The following PRSS12 variants were observed in gnomAD, a reference collection of about 807,000 sequenced individuals.
PRSS12 encodes the protein neurotrypsin.
In PRSS12, 85 loss-of-function variants were observed where a neutral mutation model predicts 104.4. The observed-to-expected ratio is 0.81, with a 90% CI of 0.68 to 0.98. The LOEUF is 0.98. PRSS12 is among the 50% of genes least tolerant of loss of function. PRSS12 has a pLI of 0.00. For missense variants in PRSS12, 1,141 were observed against 1,139.2 expected (o/e 1.00, Z -0.02); for synonymous variants, 454 against 425.2 (o/e 1.07, Z -0.83).
chr4:118,328,101 A>G (rs1723823973), intron 4 of PRSS12, among the ~76,000 whole-genome samples: 1 of 152,208 alleles, frequency 6.6e-6, no homozygotes, highest in African/African-American at 2.4e-5. Flanking sequence ...TGTGCCATTA[A>G]AAAACAATCC....
At chr4:118,299,818 A>AAAATAAATT (rs1166404034) in intron 8 of PRSS12, among the ~76,000 whole-genome samples, 1 of 139,438 alleles carries the variant, frequency 7.2e-6, no homozygotes, top group African/African-American at 2.6e-5. Flanking sequence ...TAAATAAAAT[A>AAAATAAATT]AAATAAAATA....
At chr4:118,310,279 T>C (rs1225488766) in intron 7 of PRSS12, among the ~76,000 whole-genome samples, 1 of 152,206 alleles carries the variant, frequency 6.6e-6, no homozygotes, top group African/African-American at 2.4e-5. Context: ...AAGAAAACAT[T>C]TGCACATGAA....
chr4:118,299,073 T>C, intron 8 of PRSS12, 135 bp from the exon 9 acceptor site: 1 of 1,018,918 alleles, frequency 9.8e-7, no homozygotes, highest in Middle Eastern at 3.1e-4. Flanking sequence ...AAACCATTTG[T>C]TTCATGACTG....
rs757909956 is a variant in PRSS12, at chr4:118,352,541, C to G, written c.180G>C (p.Pro60=). 9.3e-6 allele frequency: 14 copies of G among 1,504,190 alleles called. No homozygotes were observed. In the Admixed American group the frequency reaches 2.1e-4, roughly 23 times the overall value. 93.2% of individuals were successfully genotyped at this position (1,504,190 alleles called of 1,614,324 possible). Residue 60 remains proline (P), a synonymous_variant, in exon 1 of 13, where the codon CCG becomes CCC. Coordinates refer to ENST00000296498, the MANE Select transcript of PRSS12 (RefSeq NM_003619.4). The stretch of plus-strand genomic sequence containing the variant: ...GGGGGCGCGGGAAGCGCGGGAGAGG[C>G]GGCGGCGGACGCGTCCTCGGGGGCC... ...QQRPPRTRPP[P]PLPRFPRPPR... is the part of the protein sequence containing the mutation.
chr4:118,351,521 T>A (rs1378692186), intron 1 of PRSS12, among the ~76,000 whole-genome samples: 1 of 152,186 alleles, frequency 6.6e-6, no homozygotes, highest in Non-Finnish European at 1.5e-5. Context: ...ATAAAACATA[T>A]AAAGCTAAGT....
At chr4:118,325,302 T>C (rs1420573945) in intron 4 of PRSS12, among the ~76,000 whole-genome samples, 8 of 149,488 alleles carry the variant, frequency 5.4e-5, no homozygotes, top group South Asian at 2.1e-4. Context: ...GGGTCCAATA[T>C]ACCCATGAAA....
At chr4:118,335,947 A>T (rs1444246836) in intron 2 of PRSS12, among the ~76,000 whole-genome samples, 1 of 152,214 alleles carries the variant, frequency 6.6e-6, no homozygotes, top group East Asian at 1.9e-4. Flanking sequence ...AGACATAAAA[A>T]GTAAGGCTGT....
At chr4:118,344,394 T>C (rs922080493) in intron 1 of PRSS12, among the ~76,000 whole-genome samples, 16 of 151,960 alleles carry the variant, frequency 1.1e-4, no homozygotes, top group African/African-American at 3.9e-4. Context: ...TTTTATGTTA[T>C]TTTCTTTCTT....
In PRSS12 at chr4:118,282,117, T is replaced by C. The variant is rs376998875; in HGVS notation, c.2447A>G (p.Lys816Arg). 6.2e-7 allele frequency: 1 copy of C among 1,614,056 alleles called. No homozygotes were observed. Among genetic ancestry groups the C allele is most frequent in the Non-Finnish European group, 8.5e-7 (1 of 1,180,036 alleles). ...MLCAGNLHEH[K>R]RVDSCQGDSG... ...GTCTCCCTGGCAGCTGTCCACGCGT[T>C]TGTGTTCATGGAGGTTTCCAGCACA... The change falls in exon 13 of 13, where the codon AAA (lysine) becomes AGA (arginine). Residue 816 changes from lysine (K) to arginine (R), a missense_variant. Coordinates refer to ENST00000296498, the MANE Select transcript of PRSS12 (RefSeq NM_003619.4).
chr4:118,313,417 ACT>A lies in PRSS12; in HGVS notation c.1293-22_1293-21del, dbSNP rs753852166. 3 of 1,611,822 alleles carry A rather than the reference ACT, an allele frequency of 1.9e-6. No homozygotes were observed. The East Asian group carries it at 6.7e-5, about 36-fold the overall frequency. ...CCATATCTGTGACAATTGAATAAACACTGTGTATAGAACTTCTGTCTCTTGGT... is the reference window on the plus strand; with the variant it reads ...CCATATCTGTGACAATTGAATAAACAGTGTATAGAACTTCTGTCTCTTGGT... On this transcript the variant is annotated intron_variant, in intron 6 of 12. Transcript: ENST00000296498.
intron 6 of PRSS12, among the ~76,000 whole-genome samples, chr4:118,313,695 A>G (rs1481006436): frequency 1.3e-5 from 2 of 152,160 alleles, no homozygotes; most frequent in African/African-American, 2.4e-5. Flanking sequence ...AAAGAGATCA[A>G]TCTCAAATTC....
At chr4:118,338,753 C>T (rs1249342370) in intron 1 of PRSS12, among the ~76,000 whole-genome samples, 2 of 152,084 alleles carry the variant, frequency 1.3e-5, no homozygotes, top group African/African-American at 4.8e-5. Flanking sequence ...ATAAGAAACA[C>T]AGAAACAAAA....
At chr4:118,348,106 G>A (rs1018812294) in intron 1 of PRSS12, among the ~76,000 whole-genome samples, 17 of 152,224 alleles carry the variant, frequency 1.1e-4, no homozygotes, top group Middle Eastern at 3.4e-3. Context: ...TAGCTGGACT[G>A]TAGTCCCAGC....
intron 11 of PRSS12, among the ~76,000 whole-genome samples, chr4:118,292,514 AT>A: frequency 6.6e-6 from 1 of 152,356 alleles, no homozygotes; most frequent in African/African-American, 2.4e-5. Context: ...CTCAGCTCCT[AT>A]AACTACATAG....
intron 7 of PRSS12, among the ~76,000 whole-genome samples, chr4:118,308,898 C>T (rs570485948): frequency 6.6e-6 from 1 of 152,142 alleles, no homozygotes; most frequent in East Asian, 1.9e-4. Context: ...TTTATTACAC[C>T]TTACTTCTAA....
Position 118,306,534 on chromosome 4 carries a change from G to A in PRSS12, c.1631+1902C>T, listed in dbSNP as rs115889881. 7.9e-3 allele frequency among the ~76,000 whole-genome samples: 1,208 copies of A among 152,144 alleles called. 14 individuals are homozygous for A. The highest frequency in any genetic ancestry group is 0.027 in the African/African-American group (1,139 of 41,514). On this transcript the variant is annotated intron_variant, in intron 8 of 12. Transcript: ENST00000296498. ...CACAGCAACAGTAGCAGCAGAAAGC[G>A]GGGTGGGAGGGTGCCACACACTTTT...
intron 8 of PRSS12, chr4:118,303,608 A>G (rs1192945721): frequency 6.6e-6 from 1 of 152,152 alleles, no homozygotes; most frequent in Non-Finnish European, 1.5e-5. Flanking sequence ...CATAGCTGAA[A>G]ATTTCAATGA....
At chr4:118,329,253 A>G (rs1723859685) in intron 4 of PRSS12, among the ~76,000 whole-genome samples, 1 of 152,212 alleles carries the variant, frequency 6.6e-6, no homozygotes, top group South Asian at 2.1e-4. Context: ...ACTAATATTC[A>G]GTGTGTCACT....
At chr4:118,290,395 A>G (rs1391745395) in intron 11 of PRSS12, among the ~76,000 whole-genome samples, 2 of 152,200 alleles carry the variant, frequency 1.3e-5, no homozygotes, top group Non-Finnish European at 2.9e-5. Context: ...TAACAGGAAG[A>G]TAACAGATTA....
Sources: allele counts gnomAD v4.1 joint callset (sites outside exome capture counted in the v4.1 genomes callset), GRCh38; gene constraint gnomAD v4.1.1; transcripts MANE v1.5; gene names NCBI Gene and HGNC (gene_info 2026-07-23, HGNC 2026-07-21).